The following ADAM19 variants were observed in gnomAD, a reference collection of about 807,000 sequenced individuals.
The protein encoded by ADAM19 is ADAM metallopeptidase domain 19.
ADAM19 carries 65 observed loss-of-function variants against 114.7 expected under a neutral mutation model. The ratio of observed to expected loss-of-function variants is 0.57; its 90% confidence interval spans 0.46 to 0.70. The LOEUF (loss-of-function observed/expected upper bound fraction) is 0.70. Ranked by LOEUF, ADAM19 falls within the 30% of genes least tolerant of loss-of-function variation. The probability of loss-of-function intolerance (pLI) is 0.00; values close to 1 mark genes in which losing one functional copy is unlikely to be tolerated. For missense variants in ADAM19, 1,063 were observed against 1,204.7 expected (o/e 0.88, Z 1.74); for synonymous variants, 466 against 460.5 (o/e 1.01, Z -0.15).
chr5:157,546,662 G>A (rs1253321034), intron 3 of ADAM19, among the ~76,000 whole-genome samples: 4 of 152,336 alleles, frequency 2.6e-5, no homozygotes, highest in South Asian at 2.1e-4. Context: ...AACCATGCTT[G>A]ATATAATGCA....
intron 8 of ADAM19, among the ~76,000 whole-genome samples, chr5:157,509,876 TA>T (rs1342155853): frequency 6.6e-6 from 1 of 152,172 alleles, no homozygotes. Context: ...GGTCAATAGG[TA>T]AAACAGACAG....
chr5:157,533,433 G>A (rs1756678304), intron 4 of ADAM19, among the ~76,000 whole-genome samples: 1 of 152,182 alleles, frequency 6.6e-6, no homozygotes, highest in Non-Finnish European at 1.5e-5. Context: ...AGCCTGTCAT[G>A]TGGCTTCTCA....
intron 7 of ADAM19, among the ~76,000 whole-genome samples, chr5:157,518,590 G>T (rs1212509496): frequency 1.3e-5 from 2 of 152,194 alleles, no homozygotes; most frequent in African/African-American, 4.8e-5. Flanking sequence ...CACCATGTTG[G>T]CCAGGCTGGT....
intron 3 of ADAM19, among the ~76,000 whole-genome samples, chr5:157,547,232 A>C (rs1433361674): frequency 6.6e-6 from 1 of 152,184 alleles, no homozygotes; most frequent in Admixed American, 6.5e-5. Flanking sequence ...AAACCTAAAG[A>C]TCCAAGGAAA....
chr5:157,482,388 G>A (rs1348163671), intron 21 of ADAM19, among the ~76,000 whole-genome samples: 1 of 152,208 alleles, frequency 6.6e-6, no homozygotes, highest in African/African-American at 2.4e-5. Flanking sequence ...CTTTTGCTGT[G>A]CAGAAGCTCT....
chr5:157,548,929 G>A (rs1365469515), intron 3 of ADAM19, among the ~76,000 whole-genome samples: 2 of 152,188 alleles, frequency 1.3e-5, no homozygotes, highest in Non-Finnish European at 1.5e-5. Flanking sequence ...AAATCCAAAT[G>A]TATATCCATA....
At chr5:157,493,291 G>T (rs878917016) in intron 15 of ADAM19, 114 bp from the exon 16 acceptor site, 1 of 1,141,618 alleles carries the variant, frequency 8.8e-7, no homozygotes, top group Non-Finnish European at 1.3e-6. Context: ...GTGGGGTGGG[G>T]CAAAGGTTTA....
intron 1 of ADAM19, among the ~76,000 whole-genome samples, chr5:157,574,630 G>A (rs933468012): frequency 6.6e-6 from 1 of 152,166 alleles, no homozygotes; most frequent in Non-Finnish European, 1.5e-5. Context: ...AGCCCAGCCC[G>A]TCTGCAGCGG....
chr5:157,560,037 G>A (rs1484679854), intron 3 of ADAM19, among the ~76,000 whole-genome samples: 3 of 151,688 alleles, frequency 2.0e-5, no homozygotes, highest in South Asian at 2.1e-4. Flanking sequence ...AGGCCGAGGC[G>A]GGCGGATCAC....
chr5:157,521,151 A>T (rs1382281535), intron 5 of ADAM19, among the ~76,000 whole-genome samples: 1 of 152,218 alleles, frequency 6.6e-6, no homozygotes, highest in Non-Finnish European at 1.5e-5. Flanking sequence ...GGGCTTTTCT[A>T]GCCTCAGCAA....
At chr5:157,562,680 G>A (rs749562144) in intron 3 of ADAM19, among the ~76,000 whole-genome samples, 9 of 152,176 alleles carry the variant, frequency 5.9e-5, no homozygotes, top group Non-Finnish European at 5.9e-5. Context: ...GGTGGCCTCA[G>A]ACAAATGCCT....
chr5:157,545,934 G>T (rs1307470442), intron 3 of ADAM19, among the ~76,000 whole-genome samples: 1 of 152,222 alleles, frequency 6.6e-6, no homozygotes. Context: ...TTTGCTGGGG[G>T]TCCTTGATCA....
At chr5:157,515,758 A>G (rs1489180346) in intron 7 of ADAM19, among the ~76,000 whole-genome samples, 1 of 152,168 alleles carries the variant, frequency 6.6e-6, no homozygotes, top group Admixed American at 6.5e-5. Flanking sequence ...GCACTGTGCC[A>G]GCATCATGGA....
intron 1 of ADAM19, among the ~76,000 whole-genome samples, chr5:157,574,862 C>G (rs1428882113): frequency 6.6e-6 from 1 of 152,220 alleles, no homozygotes; most frequent in East Asian, 1.9e-4. Flanking sequence ...AAACTGAGGA[C>G]CAAAGAAGGC....
intron 1 of ADAM19, among the ~76,000 whole-genome samples, chr5:157,572,104 G>C (rs1454171250): frequency 2.0e-5 from 3 of 148,052 alleles, no homozygotes; most frequent in African/African-American, 7.5e-5. Context: ...TTTTTCTTTT[G>C]AGACGGAGTC....
At chr5:157,512,550 G>C (rs1278003354) in intron 8 of ADAM19, among the ~76,000 whole-genome samples, 1 of 152,100 alleles carries the variant, frequency 6.6e-6, no homozygotes, top group African/African-American at 2.4e-5. Context: ...CTACCAAGAG[G>C]CTACTGTCAT....
At chr5:157,552,069 T>C (rs1280433775) in intron 3 of ADAM19, among the ~76,000 whole-genome samples, 1 of 152,150 alleles carries the variant, frequency 6.6e-6, no homozygotes, top group African/African-American at 2.4e-5. Flanking sequence ...AAGAATCGCT[T>C]GAACCCAGAA....
chr5:157,515,020 T>C (rs1756052494), intron 7 of ADAM19, among the ~76,000 whole-genome samples: 1 of 152,192 alleles, frequency 6.6e-6, no homozygotes, highest in Non-Finnish European at 1.5e-5. Context: ...ACCTGGGGTA[T>C]TTGTTTGGCC....
intron 8 of ADAM19, among the ~76,000 whole-genome samples, chr5:157,512,917 G>A (rs1354963484): frequency 6.6e-6 from 1 of 152,156 alleles, no homozygotes; most frequent in East Asian, 1.9e-4. Flanking sequence ...TCCTAAGTCA[G>A]AGAATCCCTG....
Sources: gnomAD v4.1 joint callset for allele counts (sites outside exome capture counted in the v4.1 genomes callset) on GRCh38, gnomAD v4.1.1 for gene constraint, MANE v1.5 for transcripts, NCBI Gene and HGNC (gene_info 2026-07-23, HGNC 2026-07-21) for gene names.